Variants in ADAMTSL3 observed in about 807,000 individuals in gnomAD.
ADAMTSL3 encodes ADAMTS-like protein 3.
A neutral mutation model predicts 201.7 loss-of-function variants in ADAMTSL3; 128 were observed. The observed-to-expected ratio is 0.63, with a 90% CI of 0.55 to 0.73. ADAMTSL3 has a LOEUF of 0.73. ADAMTSL3 is among the 30% of genes least tolerant of loss of function. ADAMTSL3 has a pLI of 0.00. For synonymous variants in ADAMTSL3, 738 were observed against 748.4 expected (o/e 0.99, Z 0.23); for missense variants, 1,990 against 2,119.6 (o/e 0.94, Z 1.20).
At chr15:83,991,876 C>T (rs1006253169) in intron 23 of ADAMTSL3, among the ~76,000 whole-genome samples, 1 of 152,186 alleles carries the variant, frequency 6.6e-6, no homozygotes, top group Non-Finnish European at 1.5e-5. Context: ...CATCTGGGCC[C>T]ATGCATCTCT....
At chr15:83,674,696 CAT>C (rs1382730587) in intron 2 of ADAMTSL3, among the ~76,000 whole-genome samples, 9 of 147,002 alleles carry the variant, frequency 6.1e-5, no homozygotes, top group African/African-American at 1.5e-4. Context: ...CATATATACA[CAT>C]ATATATACAT....
intron 15 of ADAMTSL3, among the ~76,000 whole-genome samples, chr15:83,909,868 G>A (rs1032649366): frequency 1.3e-5 from 2 of 151,944 alleles, no homozygotes; most frequent in African/African-American, 2.4e-5. Flanking sequence ...CACCCACCTC[G>A]GCCTCCCAAA....
rs532545826 is a variant in ADAMTSL3, at chr15:83,875,986, TTTTTC to T, written c.960+5040_960+5044del. Among the ~76,000 whole-genome samples, 1,135 of 152,190 alleles carry T rather than the reference TTTTTC, an allele frequency of 7.5e-3. 3 individuals carry two copies. The highest frequency in any genetic ancestry group is 0.024 in the Middle Eastern group (7 of 294). On this transcript the variant is annotated intron_variant, in intron 9 of 29. Transcript: ENST00000286744. ...TCTGGCTTAATGCCTTTTCTCTCTT[TTTTTC>T]TTTTCTTTTCTTATTTTTCTTTTCG...
At chr15:83,696,213 A>G (rs1022438725) in intron 2 of ADAMTSL3, among the ~76,000 whole-genome samples, 67 of 152,170 alleles carry the variant, frequency 4.4e-4, no homozygotes, top group African/African-American at 1.4e-3. Flanking sequence ...CTTCCCATTC[A>G]AATACTAAAG....
At chr15:83,931,800 C>T (rs914362814) in intron 17 of ADAMTSL3, among the ~76,000 whole-genome samples, 2 of 151,870 alleles carry the variant, frequency 1.3e-5, no homozygotes, top group Non-Finnish European at 2.9e-5. Context: ...GCTTGAGGTC[C>T]CAAAGCAATT....
At chr15:83,668,691 C>CT (rs895193194) in intron 2 of ADAMTSL3, among the ~76,000 whole-genome samples, 11 of 151,804 alleles carry the variant, frequency 7.2e-5, no homozygotes, top group Non-Finnish European at 1.3e-4. Flanking sequence ...GTATTTTTGA[C>CT]TTTTTTTTGA....
rs1387552885 is a variant in ADAMTSL3, at chr15:83,982,600, T to C, written c.2972T>C (p.Val991Ala). 8 of 1,614,062 alleles carry C rather than the reference T, an allele frequency of 5.0e-6. No homozygotes were observed. Among genetic ancestry groups the C allele is most frequent in the South Asian group, 1.1e-5 (1 of 91,088 alleles). Reference sequence around the variant, plus strand: ...ATTGCAGGCTCTGCACAGGAAACAGTTGTGCTCAAGCTCATTGGTACTGAC... The same window carrying C: ...ATTGCAGGCTCTGCACAGGAAACAGCTGTGCTCAAGCTCATTGGTACTGAC... Reference protein sequence around the residue: ...RCIAGSAQETVVLKLIGTDNR... With the variant: ...RCIAGSAQETAVLKLIGTDNR... Residue 991 changes from valine to alanine, a missense_variant, in exon 21 of 30, where the codon GTT becomes GCT. Val to Ala is a moderately conservative substitution (Grantham distance 64). Transcript: ENST00000286744.
At chr15:83,854,595 G>C (rs527607804) in intron 7 of ADAMTSL3, among the ~76,000 whole-genome samples, 1 of 152,156 alleles carries the variant, frequency 6.6e-6, no homozygotes, top group Non-Finnish European at 1.5e-5. Flanking sequence ...CCTTGACAAC[G>C]TGTAAATATT....
At chr15:83,922,923 T>C (rs10520572) in intron 16 of ADAMTSL3, among the ~76,000 whole-genome samples, 54,247 of 152,012 alleles carry the variant, frequency 0.36, 12,012 homozygotes, top group African/African-American at 0.6. Context: ...GCTATTACAG[T>C]TTGTTTGTGA....
chr15:83,794,613 A>G (rs1422956838), intron 4 of ADAMTSL3, among the ~76,000 whole-genome samples: 2 of 152,096 alleles, frequency 1.3e-5, no homozygotes, highest in African/African-American at 4.8e-5. Context: ...GACAGAAATT[A>G]TAGAAATGGA....
chr15:83,884,148 C>A (rs2065339806), intron 9 of ADAMTSL3, among the ~76,000 whole-genome samples: 1 of 151,876 alleles, frequency 6.6e-6, no homozygotes, highest in African/African-American at 2.4e-5. Context: ...CCACCTCAGC[C>A]TCCTAAAGTG....
chr15:83,658,448 C>G (rs1377987901), intron 2 of ADAMTSL3, among the ~76,000 whole-genome samples: 3 of 152,242 alleles, frequency 2.0e-5, no homozygotes, highest in Non-Finnish European at 4.4e-5. Flanking sequence ...AAAATGTAAA[C>G]TCTTATATTC....
At position 83,898,008 on chromosome 15, in the gene ADAMTSL3, A is replaced by G. The variant is rs762223330; in HGVS notation, c.1615+3A>G. The G allele has an allele frequency of 2.5e-6, 4 of 1,612,030 alleles. No individual in the cohort carries two copies. The African/African-American group carries it at 5.3e-5, about 22-fold the overall frequency. On this transcript the variant is annotated splice_donor_region_variant and intron_variant, in intron 14 of 29. Coordinates refer to ENST00000286744, the MANE Select transcript of ADAMTSL3 (RefSeq NM_207517.3). ...CATCCCGTGTTATAAACCAAAAGGTAAGTCTGTGGTGCACTGTAAATTCAA... is the reference window on the plus strand; with the variant it reads ...CATCCCGTGTTATAAACCAAAAGGTGAGTCTGTGGTGCACTGTAAATTCAA...
chr15:83,900,669 A>G (rs1433751097), intron 15 of ADAMTSL3, among the ~76,000 whole-genome samples: 1 of 152,264 alleles, frequency 6.6e-6, no homozygotes, highest in East Asian at 1.9e-4. Context: ...CACCTTCAGC[A>G]ATGGGCAGAG....
chr15:83,775,263 C>G (rs940843810), intron 4 of ADAMTSL3, among the ~76,000 whole-genome samples: 1 of 151,946 alleles, frequency 6.6e-6, no homozygotes, highest in Non-Finnish European at 1.5e-5. Context: ...CTTTCTAAAC[C>G]TCAAGTCTCA....
chr15:83,829,567 A>G (rs972650632), intron 6 of ADAMTSL3, among the ~76,000 whole-genome samples: 1 of 152,138 alleles, frequency 6.6e-6, no homozygotes, highest in Non-Finnish European at 1.5e-5. Context: ...GCCTTCTGCT[A>G]GCTTTTGAAT....
intron 7 of ADAMTSL3, among the ~76,000 whole-genome samples, chr15:83,851,482 A>T (rs775649799): frequency 6.6e-6 from 1 of 152,236 alleles, no homozygotes; most frequent in Non-Finnish European, 1.5e-5. Context: ...CTTCCCCAAG[A>T]TACCACAGCC....
intron 7 of ADAMTSL3, among the ~76,000 whole-genome samples, chr15:83,857,389 C>A (rs1596320830): frequency 6.6e-6 from 1 of 152,108 alleles, no homozygotes; most frequent in African/African-American, 2.4e-5. Flanking sequence ...TACCACTGCC[C>A]TATTTTTTAA....
At chr15:83,753,280 A>G (rs2062667742) in intron 3 of ADAMTSL3, among the ~76,000 whole-genome samples, 1 of 152,076 alleles carries the variant, frequency 6.6e-6, no homozygotes, top group Non-Finnish European at 1.5e-5. Flanking sequence ...TCAGCTTTTC[A>G]ATTTTTTTGT....
Sources: allele counts gnomAD v4.1 joint callset (sites outside exome capture counted in the v4.1 genomes callset), GRCh38; gene constraint gnomAD v4.1.1; transcripts MANE v1.5; gene names NCBI Gene and HGNC (gene_info 2026-07-23, HGNC 2026-07-21).